The following DRC11 variants were observed in gnomAD, a reference collection of about 807,000 sequenced individuals.
The protein encoded by DRC11 is dynein regulatory complex subunit 11.
the DRC11 span, chr2:236,507,449 G>C: frequency 1.9e-5 from 12 of 639,228 alleles, no homozygotes; most frequent in Admixed American, 2.9e-4. Context: ...AGGTGAGGCC[G>C]GGTTTGCTTC....
chr2:236,415,961 T>C, the DRC11 span, among the ~76,000 whole-genome samples: 3 of 152,174 alleles, frequency 2.0e-5, no homozygotes, highest in South Asian at 6.2e-4. This position sits in a 1 kb window ranked among gnomAD's most constrained non-coding sequence, Gnocchi z 5.7. Flanking sequence ...GAGTATGATT[T>C]TTAAAATTAA....
At chr2:236,449,427 G>A in the DRC11 span, among the ~76,000 whole-genome samples, 1 of 152,196 alleles carries the variant, frequency 6.6e-6, no homozygotes, top group African/African-American at 2.4e-5. The surrounding 1 kb of genome is among the most constrained non-coding windows in gnomAD (Gnocchi z 5.1). Flanking sequence ...TTGTCCACGG[G>A]GTGTTTGCCT....
chr2:236,356,936 ATAT>A, the DRC11 span, among the ~76,000 whole-genome samples: 1 of 140,006 alleles, frequency 7.1e-6, no homozygotes, highest in Non-Finnish European at 1.5e-5. Flanking sequence ...ATATATTTAT[ATAT>A]TATATATTCA....
chr2:236,440,965 T>C, the DRC11 span: 1 of 931,280 alleles, frequency 1.1e-6, no homozygotes, highest in African/African-American at 1.7e-5. Flanking sequence ...AATAACGCTA[T>C]AAACTCATTA....
chr2:236,326,128 A>C, the DRC11 span, among the ~76,000 whole-genome samples: 1 of 152,244 alleles, frequency 6.6e-6, no homozygotes, highest in African/African-American at 2.4e-5. Context: ...AGTTCCCAAC[A>C]ATATATCTAG....
chr2:236,327,403 C>T, the DRC11 span, among the ~76,000 whole-genome samples: 9 of 151,650 alleles, frequency 5.9e-5, no homozygotes, highest in African/African-American at 2.4e-5. Flanking sequence ...CACCACCATA[C>T]CTGGCTAATT....
At chr2:236,358,003 T>TGA in the DRC11 span, among the ~76,000 whole-genome samples, 7 of 114,106 alleles carry the variant, frequency 6.1e-5, no homozygotes, top group South Asian at 2.7e-4. Flanking sequence ...TATGAATATA[T>TGA]ATTTATAATA....
the DRC11 span, chr2:236,380,448 C>T: frequency 1.3e-6 from 1 of 755,444 alleles, no homozygotes; most frequent in Non-Finnish European, 2.2e-6. The surrounding 1 kb of genome is among the most constrained non-coding windows in gnomAD (Gnocchi z 4.9). Context: ...TGGCTCCCAC[C>T]ACTCCGGGAC....
the DRC11 span, among the ~76,000 whole-genome samples, chr2:236,358,376 T>TTTATGATATATGAATATATCATATATAA: frequency 7.4e-5 from 7 of 94,644 alleles, 1 homozygote; most frequent in Non-Finnish European, 1.8e-4. Flanking sequence ...TATATAGATA[T>TTTATGATATATGAATATATCATATATAA]ATATTTATGA....
At chr2:236,427,978 T>G in the DRC11 span, among the ~76,000 whole-genome samples, 1 of 152,192 alleles carries the variant, frequency 6.6e-6, no homozygotes, top group Non-Finnish European at 1.5e-5. The surrounding 1 kb of genome is among the most constrained non-coding windows in gnomAD (Gnocchi z 5.9). Flanking sequence ...GCCTTTAAAT[T>G]TCTTCTTTGA....
chr2:236,419,262 C>T, the DRC11 span: 2 of 1,528,208 alleles, frequency 1.3e-6, no homozygotes, highest in South Asian at 2.6e-5. This position sits in a 1 kb window ranked among gnomAD's most constrained non-coding sequence, Gnocchi z 4.8. Flanking sequence ...GCTATGATAT[C>T]CTCAATAACC....
the DRC11 span, chr2:236,368,370 A>G: frequency 1.1e-6 from 1 of 883,392 alleles, no homozygotes; most frequent in South Asian, 1.5e-5. Context: ...TAATTTTGGC[A>G]TCTGCAAAAC....
chr2:236,412,013 T>G, the DRC11 span, among the ~76,000 whole-genome samples: 3 of 151,746 alleles, frequency 2.0e-5, no homozygotes, highest in African/African-American at 7.3e-5. Context: ...AACCTGCACA[T>G]TGTGCATATG....
chr2:236,318,118 G>A, the DRC11 span, among the ~76,000 whole-genome samples: 2 of 148,670 alleles, frequency 1.3e-5, no homozygotes, highest in Non-Finnish European at 1.5e-5. This position sits in a 1 kb window ranked among gnomAD's most constrained non-coding sequence, Gnocchi z 7.0. Flanking sequence ...CAGCAGTCCC[G>A]CCCCACCCCG....
the DRC11 span, among the ~76,000 whole-genome samples, chr2:236,491,213 C>CACACAGTATATATATATATATATAT: frequency 3.1e-5 from 1 of 32,776 alleles, no homozygotes; most frequent in East Asian, 5.9e-4. Flanking sequence ...TATATATATA[C>CACACAGTATATATATATATATATAT]ACACAGTATA....
the DRC11 span, among the ~76,000 whole-genome samples, chr2:236,346,107 C>T: frequency 6.6e-6 from 1 of 152,276 alleles, no homozygotes; most frequent in Admixed American, 6.5e-5. Context: ...CAGCCAAGCA[C>T]CATTTGATAG....
chr2:236,472,249 T>C, the DRC11 span, among the ~76,000 whole-genome samples: 1 of 152,190 alleles, frequency 6.6e-6, no homozygotes, highest in African/African-American at 2.4e-5. This position sits in a 1 kb window ranked among gnomAD's most constrained non-coding sequence, Gnocchi z 4.6. Flanking sequence ...CTGCTTGTGT[T>C]TGCAAACTTT....
the DRC11 span, chr2:236,465,405 C>T: frequency 1.0e-6 from 1 of 991,280 alleles, no homozygotes; most frequent in Non-Finnish European, 1.5e-6. This position sits in a 1 kb window ranked among gnomAD's most constrained non-coding sequence, Gnocchi z 6.2. Flanking sequence ...GCCGAGAAAC[C>T]TCATGACTCT....
the DRC11 span, among the ~76,000 whole-genome samples, chr2:236,459,111 A>G: frequency 6.6e-6 from 1 of 152,306 alleles, no homozygotes; most frequent in African/African-American, 2.4e-5. Flanking sequence ...AAGCTTTAGC[A>G]TCTGTAATAC....
Sources: allele counts gnomAD v4.1 joint callset (sites outside exome capture counted in the v4.1 genomes callset), GRCh38; gene constraint gnomAD v4.1.1; non-coding constraint Gnocchi (gnomAD v3.1); transcripts MANE v1.5; gene names NCBI Gene and HGNC (gene_info 2026-07-23, HGNC 2026-07-21).